FBXL13: variants seen among roughly 807,000 people sequenced by gnomAD.
FBXL13 encodes the protein F-box and leucine-rich repeat protein 13.
A neutral mutation model predicts 83.6 loss-of-function variants in FBXL13; 67 were observed. The observed-to-expected ratio is 0.80, with a 90% confidence interval of 0.66 to 0.98. The LOEUF (loss-of-function observed/expected upper bound fraction) is 0.98, where lower values mean the gene tolerates loss of function less well. FBXL13 is among the 50% of genes least tolerant of loss of function. The pLI is 0.00. For synonymous variants in FBXL13, 272 were observed against 299.5 expected (o/e 0.91, Z 0.95); for missense variants, 822 against 866.5 (o/e 0.95, Z 0.64).
intron 11 of FBXL13, among the ~76,000 whole-genome samples, chr7:102,900,392 T>C (rs1812817514): frequency 6.6e-6 from 1 of 152,236 alleles, no homozygotes. Flanking sequence ...TCAAGGCTTT[T>C]TGTTTTATTG....
At chr7:103,024,185 G>GAGAGAGAGAT (rs1793578029) in intron 6 of FBXL13, among the ~76,000 whole-genome samples, 1 of 141,254 alleles carries the variant, frequency 7.1e-6, no homozygotes, top group African/African-American at 2.8e-5. Flanking sequence ...GAGAGAGAGA[G>GAGAGAGAGAT]AAATAATTAG....
At chr7:103,000,602 A>C (rs1158935829) in intron 6 of FBXL13, among the ~76,000 whole-genome samples, 1 of 152,200 alleles carries the variant, frequency 6.6e-6, no homozygotes, top group African/African-American at 2.4e-5. Flanking sequence ...AGTTAGGTCC[A>C]TTGGTCTAGG....
At chr7:103,045,638 G>A (rs1418007615) in intron 2 of FBXL13, among the ~76,000 whole-genome samples, 2 of 152,228 alleles carry the variant, frequency 1.3e-5, no homozygotes, top group Non-Finnish European at 2.9e-5. Flanking sequence ...TAGGATCTAT[G>A]TGTTTCCGTA....
At chr7:102,935,727 A>G (rs1040769757) in intron 8 of FBXL13, among the ~76,000 whole-genome samples, 1 of 152,184 alleles carries the variant, frequency 6.6e-6, no homozygotes, top group Non-Finnish European at 1.5e-5. Flanking sequence ...ATAACGAACC[A>G]TGTAACAATG....
intron 16 of FBXL13, among the ~76,000 whole-genome samples, chr7:102,865,786 C>T (rs948180704): frequency 3.3e-5 from 5 of 151,898 alleles, no homozygotes; most frequent in African/African-American, 9.7e-5. Flanking sequence ...CCTCGTGATC[C>T]GCCTGCCTTG....
intron 16 of FBXL13, among the ~76,000 whole-genome samples, chr7:102,875,623 C>A (rs1010750580): frequency 6.6e-6 from 1 of 152,010 alleles, no homozygotes; most frequent in Non-Finnish European, 1.5e-5. Flanking sequence ...TAAGAGTCAA[C>A]GGGAAAAGCA....
intron 16 of FBXL13, among the ~76,000 whole-genome samples, chr7:102,856,351 A>G (rs1253504241): frequency 2.0e-5 from 3 of 152,346 alleles, no homozygotes; most frequent in African/African-American, 7.2e-5. Context: ...AATATCAAGT[A>G]ACAGATGCAA....
chr7:103,046,199 C>T (rs1243092955), intron 2 of FBXL13, among the ~76,000 whole-genome samples: 2 of 150,248 alleles, frequency 1.3e-5, no homozygotes, highest in East Asian at 3.9e-4. Context: ...TTATAATCTA[C>T]GTTTGATGTA....
intron 8 of FBXL13, chr7:102,934,276 G>C: frequency 6.2e-7 from 1 of 1,614,166 alleles, no homozygotes; most frequent in Middle Eastern, 1.6e-4. Flanking sequence ...CTAAAATTGA[G>C]AGTGAGGCGT....
chr7:103,024,848 TA>T (rs1199829136), intron 6 of FBXL13, among the ~76,000 whole-genome samples: 83 of 109,584 alleles, frequency 7.6e-4, no homozygotes, highest in African/African-American at 2.5e-3. Flanking sequence ...TATATATATA[TA>T]TATATATATT....
At chr7:102,873,301 TGACTGTGTAAGGG>T (rs1808771116) in intron 16 of FBXL13, among the ~76,000 whole-genome samples, 1 of 152,226 alleles carries the variant, frequency 6.6e-6, no homozygotes, top group African/African-American at 2.4e-5. Context: ...ACCTGCTCCC[TGACTGTGTAAGGG>T]ACACAGCTCA....
intron 1 of FBXL13, among the ~76,000 whole-genome samples, chr7:103,074,043 C>G (rs943131198): frequency 1.3e-5 from 2 of 152,226 alleles, no homozygotes; most frequent in African/African-American, 4.8e-5. Context: ...TAATGTCTAT[C>G]CCCTTCCTGT....
intron 8 of FBXL13, 117 bp from the exon 10 acceptor site, chr7:102,932,050 G>T: frequency 2.2e-6 from 2 of 924,104 alleles, no homozygotes; most frequent in Non-Finnish European, 3.2e-6. Flanking sequence ...ACCTTGGCAA[G>T]TAACATGTTC....
intron 17 of FBXL13, among the ~76,000 whole-genome samples, chr7:102,843,350 G>A (rs1000700648): frequency 6.6e-5 from 10 of 152,118 alleles, no homozygotes; most frequent in Non-Finnish European, 1.2e-4. Context: ...AGCTGAAGCA[G>A]GAGAATCACT....
At chr7:103,010,620 T>C (rs1445966008) in intron 6 of FBXL13, among the ~76,000 whole-genome samples, 3 of 151,958 alleles carry the variant, frequency 2.0e-5, no homozygotes, top group African/African-American at 7.3e-5. Context: ...CATTCCCAGT[T>C]TTGCATAGGT....
At chr7:103,022,622 C>G (rs144775597) in intron 6 of FBXL13, among the ~76,000 whole-genome samples, 2 of 152,058 alleles carry the variant, frequency 1.3e-5, no homozygotes, top group Admixed American at 1.3e-4. Context: ...GCTAGCCACA[C>G]GCGGAATATT....
intron 1 of FBXL13, among the ~76,000 whole-genome samples, chr7:103,063,763 C>CAGGCTA (rs1194956324): frequency 6.8e-6 from 1 of 147,592 alleles, no homozygotes; most frequent in Non-Finnish European, 1.5e-5. Flanking sequence ...CTATGTTGCC[C>CAGGCTA]AGGCTAGTTT....
rs117261467 is a variant in FBXL13, at chr7:102,944,584, G to A, written c.725-12651C>T. 1.4e-3 allele frequency: 2,237 copies of A among 1,608,390 alleles called. 5 individuals carry two copies. Among genetic ancestry groups the A allele is most frequent in the Non-Finnish European group, 1.2e-3 (1,403 of 1,178,520 alleles). On this transcript the variant is annotated intron_variant, in intron 8 of 19. Transcript: ENST00000313221. The stretch of plus-strand genomic sequence containing the variant: ...AGATCACACCGCAAAGAAGCAAAGC[G>A]TAATAATTACTATAGTAGGATAAGG...
chr7:102,843,740 C>T (rs960166675), intron 17 of FBXL13, among the ~76,000 whole-genome samples: 4 of 152,138 alleles, frequency 2.6e-5, no homozygotes, highest in African/African-American at 4.8e-5. Context: ...CGCGCCACTG[C>T]ACTCCAGCCT....
Sources: gnomAD v4.1 joint callset for allele counts (sites outside exome capture counted in the v4.1 genomes callset) on GRCh38, gnomAD v4.1.1 for gene constraint, MANE v1.5 for transcripts, NCBI Gene and HGNC (gene_info 2026-07-23, HGNC 2026-07-21) for gene names.